Variants in CANX observed in about 807,000 individuals in gnomAD.
CANX encodes the protein calnexin, also known as epididymis secretory sperm binding protein.
Under a neutral mutation model 75.7 loss-of-function variants are expected in CANX, and 14 were observed. That is an observed-to-expected ratio of 0.19 (90% CI 0.12 to 0.29). The LOEUF is 0.29. Ranked by LOEUF, CANX falls within the 10% of genes least tolerant of loss-of-function variation. CANX has a pLI of 1.00. For missense variants in CANX, 567 were observed against 713.2 expected, an observed-to-expected ratio of 0.79 and a Z score of 2.34; for synonymous variants, 227 against 236.9, an observed-to-expected ratio of 0.96 and a Z score of 0.38.
At chr5:179,721,733 T>C (rs775446893) in intron 10 of CANX, among the ~76,000 whole-genome samples, 9 of 152,208 alleles carry the variant, frequency 5.9e-5, no homozygotes, top group Non-Finnish European at 1.0e-4. Context: ...TCTAGCCAAG[T>C]AAAATTATTT....
intron 1 of CANX, among the ~76,000 whole-genome samples, chr5:179,689,288 G>A (rs1403543513): frequency 6.7e-6 from 1 of 149,248 alleles, no homozygotes; most frequent in African/African-American, 2.5e-5. Context: ...GAAAACATAC[G>A]TCAGACCGAT....
upstream of CANX, chr5:179,694,369 A>T: frequency 6.9e-6 from 4 of 582,112 alleles, no homozygotes; most frequent in Non-Finnish European, 1.3e-5. Context: ...TCTAAATTTG[A>T]TGAAATGGCA....
chr5:179,725,504 A>AC (rs34756442), intron 13 of CANX, among the ~76,000 whole-genome samples: 5 of 145,528 alleles, frequency 3.4e-5, no homozygotes, highest in African/African-American at 1.3e-4. Flanking sequence ...ACATGGTGAA[A>AC]CCCCATCTCT....
At chr5:179,720,231 T>G (rs1778223648) in intron 9 of CANX, among the ~76,000 whole-genome samples, 173 bp from the exon 10 acceptor site, 1 of 152,212 alleles carries the variant, frequency 6.6e-6, no homozygotes, top group Admixed American at 6.5e-5. Context: ...ATTTTCTTCT[T>G]TTTTAAAAAA....
At chr5:179,712,214 T>A (rs897564735) in intron 7 of CANX, among the ~76,000 whole-genome samples, 2 of 151,768 alleles carry the variant, frequency 1.3e-5, no homozygotes, top group Non-Finnish European at 2.9e-5. Context: ...GAATAAGTTA[T>A]ATTTATAATT....
chr5:179,715,769 T>C (rs892436344), intron 7 of CANX: 1 of 325,408 alleles, frequency 3.1e-6, no homozygotes, highest in African/African-American at 2.2e-5. Flanking sequence ...TTCTCACTGG[T>C]GTATATGTGT....
At chr5:179,678,749 T>C (rs2127760214) in exon 1 of CANX, 3 of 1,537,086 alleles carry the variant, frequency 2.0e-6, no homozygotes, top group Admixed American at 2.0e-5. Flanking sequence ...AGTCAGCATG[T>C]CTATGAGCAG....
In CANX at chr5:179,709,939, A is replaced by G. The variant is rs771008892; in HGVS notation, c.595A>G (p.Lys199Glu). The G allele has an allele frequency of 1.9e-6, 3 of 1,613,314 alleles. No homozygotes were observed. Among genetic ancestry groups the G allele is most frequent in the Non-Finnish European group, 1.7e-6 (2 of 1,179,324 alleles). Residue 199 changes from lysine to glutamate, a missense_variant, in exon 7 of 15, where the codon AAA becomes GAA. Coordinates refer to ENST00000247461, the MANE Select transcript of CANX (RefSeq NM_001746.4). ...TCCAGATAAATGTGGAGAGGACTAT[A>G]AACTGCACTTCATCTTCCGACACAA... ...FGPDKCGEDY[K>E]LHFIFRHKNP...
intron 1 of CANX, chr5:179,700,086 C>T (rs951860676): frequency 2.0e-5 from 3 of 152,122 alleles, no homozygotes; most frequent in Non-Finnish European, 4.4e-5. Context: ...GCCTTTGGAC[C>T]AATACACTGC....
chr5:179,696,737 CT>C (rs1437106197), upstream of CANX, among the ~76,000 whole-genome samples: 31 of 152,148 alleles, frequency 2.0e-4, no homozygotes, highest in Non-Finnish European at 4.3e-4. Flanking sequence ...TTTCTCTGTG[CT>C]TTTTCACATG....
chr5:179,699,019 C>T lies in CANX; in HGVS notation c.-87C>T. ...CGGCACGTGACGGTCGGGCCGCCTC[C>T]GCCTCTCTCTTTACTGCGGCGCGGG... On this transcript the variant is annotated 5_prime_UTR_variant, in exon 1 of 15. Transcript: ENST00000247461. 1.8e-6 allele frequency: 2 copies of T among 1,114,024 alleles called. No individual in the cohort carries two copies. The highest frequency in any genetic ancestry group is 2.2e-6 in the Non-Finnish European group (2 of 905,722). The allele number at this position is 1,114,024 out of a possible 1,614,324, so 69.0% of individuals were successfully genotyped here.
At chr5:179,726,623 A>G in intron 13 of CANX, 57 bp from the exon 14 acceptor site, 5 of 1,172,638 alleles carry the variant, frequency 4.3e-6, no homozygotes, top group Non-Finnish European at 6.3e-6. Flanking sequence ...TTCTAATGCT[A>G]ATATATAATC....
intron 7 of CANX, among the ~76,000 whole-genome samples, chr5:179,710,484 G>T (rs1318412039): frequency 1.3e-5 from 2 of 150,558 alleles, no homozygotes; most frequent in Non-Finnish European, 3.0e-5. Flanking sequence ...GAGGCGGGTG[G>T]ATCACAAGGT....
chr5:179,710,130 A>G lies in CANX; in HGVS notation c.721+65A>G. ...TATATATCATCCATTTAATTTAAAG[A>G]TTGTATATCTGGCCGGGCACTGTGG... is the stretch of plus-strand genomic sequence containing the variant. On this transcript the variant is annotated intron_variant, in intron 7 of 14. Coordinates refer to ENST00000247461, the MANE Select transcript of CANX (RefSeq NM_001746.4). The G allele has an allele frequency of 8.7e-6, 9 of 1,037,936 alleles. No individual in the cohort carries two copies. The South Asian group carries it at 1.4e-4, about 16-fold the overall frequency. 64.3% of individuals were successfully genotyped at this position (1,037,936 alleles called of 1,614,324 possible). A position where few individuals can be genotyped will look rare whatever the true frequency, so the allele number is the denominator to read the frequency against.
chr5:179,688,831 C>T (rs1175706760), intron 1 of CANX, among the ~76,000 whole-genome samples: 1 of 150,128 alleles, frequency 6.7e-6, no homozygotes, highest in African/African-American at 2.5e-5. Context: ...CGAAAATTAG[C>T]CAGAGTGCTC....
chr5:179,708,243 G>A lies in CANX; in HGVS notation c.309G>A (p.Lys103=). ...CTTTTTTGTGTTGTCTTGTAGGAAA[G>A]TGGGAGGTAGAGGAAATGAAGGAGT... is the stretch of plus-strand genomic sequence containing the variant. ...TDDEIAKYDG[K]WEVEEMKESK... The change falls in exon 5 of 15, where the codon AAG becomes AAA. Residue 103 remains lysine, a synonymous_variant. Transcript: ENST00000247461. 1.2e-6 allele frequency: 2 copies of A among 1,613,634 alleles called. No homozygotes were observed. Among genetic ancestry groups the A allele is most frequent in the Non-Finnish European group, 1.7e-6 (2 of 1,179,638 alleles).
intron 9 of CANX, among the ~76,000 whole-genome samples, chr5:179,719,992 T>C (rs13184690): frequency 0.46 from 70,202 of 151,620 alleles, 17,612 homozygotes; most frequent in South Asian, 0.63. Context: ...CGGCAAATTT[T>C]TGTATTTTTT....
chr5:179,726,533 G>A (rs536849746), intron 13 of CANX, 147 bp from the exon 14 acceptor site: 67 of 535,868 alleles, frequency 1.3e-4, no homozygotes, highest in Middle Eastern at 5.3e-4. Flanking sequence ...CCGAGATCGC[G>A]CCACTGCACT....
chr5:179,698,685 GC>G, upstream of CANX: 1 of 1,004,192 alleles, frequency 1.0e-6, no homozygotes, highest in South Asian at 1.3e-5. Flanking sequence ...AACCAGCCCC[GC>G]CCCGAGACGC....
Sources: gnomAD v4.1 joint callset for allele counts (sites outside exome capture counted in the v4.1 genomes callset) on GRCh38, gnomAD v4.1.1 for gene constraint, MANE v1.5 for transcripts, NCBI Gene and HGNC (gene_info 2026-07-23, HGNC 2026-07-21) for gene names.